DIAPH2: variants seen among roughly 807,000 people sequenced by gnomAD.
DIAPH2 encodes the protein diaphanous related formin 2.
A neutral mutation model predicts 92.7 loss-of-function variants in DIAPH2; 35 were observed. That is an observed-to-expected ratio of 0.38 (90% confidence interval 0.29 to 0.50). DIAPH2 has a LOEUF of 0.50. Among genes scored for constraint, DIAPH2 ranks in the 20% least tolerant of loss-of-function variants. The probability of loss-of-function intolerance (pLI) is 0.94; values close to 1 mark genes in which losing one functional copy is unlikely to be tolerated. For synonymous variants in DIAPH2, 301 were observed against 280.4 expected, an observed-to-expected ratio of 1.07 and a Z score of -0.73; for missense variants, 701 against 819.5, an observed-to-expected ratio of 0.86 and a Z score of 1.77.
chrX:97,044,663 C>T (rs903269197), intron 17 of DIAPH2, among the ~76,000 whole-genome samples: 2 of 110,990 alleles, frequency 1.8e-5, no homozygotes, highest in Admixed American at 9.6e-5. Flanking sequence ...TTTATTTTCT[C>T]CTTCTCAACT....
At chrX:97,063,673 G>T (rs1472915270) in intron 17 of DIAPH2, among the ~76,000 whole-genome samples, 2 of 111,966 alleles carry the variant, frequency 1.8e-5, no homozygotes, top group African/African-American at 6.5e-5. Flanking sequence ...AAAACAGAAT[G>T]TCAACAATTA....
intron 17 of DIAPH2, among the ~76,000 whole-genome samples, chrX:97,039,360 G>A (rs1306213462): frequency 9.0e-6 from 1 of 110,627 alleles, no homozygotes; most frequent in African/African-American, 3.3e-5. Flanking sequence ...GTTTTCATTT[G>A]CATTTTAATT....
At chrX:97,258,894 A>G (rs1329330833) in intron 23 of DIAPH2, among the ~76,000 whole-genome samples, 1 of 103,458 alleles carries the variant, frequency 9.7e-6, no homozygotes, top group Non-Finnish European at 2.0e-5. Context: ...AAAAAAAACA[A>G]CAACAACAAC....
At chrX:97,517,617 A>T (rs772407802) in intron 26 of DIAPH2, among the ~76,000 whole-genome samples, 2 of 112,647 alleles carry the variant, frequency 1.8e-5, no homozygotes, top group Non-Finnish European at 3.7e-5. Flanking sequence ...TATTACTAAT[A>T]AAAATTTAAG....
intron 4 of DIAPH2, among the ~76,000 whole-genome samples, chrX:96,847,875 G>A (rs773619144): frequency 9.0e-6 from 1 of 110,871 alleles, no homozygotes; most frequent in South Asian, 3.9e-4. Context: ...ATTGTACAAG[G>A]TAGTGAACTA....
intron 4 of DIAPH2, among the ~76,000 whole-genome samples, chrX:96,760,825 T>G (rs758723229): frequency 9.0e-6 from 1 of 111,485 alleles, no homozygotes; most frequent in Non-Finnish European, 1.9e-5. Context: ...TAGAGAATGT[T>G]AAATTGTGTG....
chrX:97,471,686 G>A (rs1359172119), intron 26 of DIAPH2, among the ~76,000 whole-genome samples: 6 of 34,138 alleles, frequency 1.8e-4, no homozygotes, highest in Admixed American at 5.5e-4. Context: ...GTGAAAATCC[G>A]TCTCAAAAAA....
At chrX:97,270,908 A>G (rs764127877) in intron 23 of DIAPH2, among the ~76,000 whole-genome samples, 1 of 110,573 alleles carries the variant, frequency 9.0e-6, no homozygotes, top group South Asian at 3.8e-4. Flanking sequence ...TTGAGCATTT[A>G]TTTATGGGGT....
At chrX:97,130,105 C>G (rs1288174129) in intron 21 of DIAPH2, among the ~76,000 whole-genome samples, 1 of 112,125 alleles carries the variant, frequency 8.9e-6, no homozygotes, top group Non-Finnish European at 1.9e-5. Context: ...AAACAGAAAG[C>G]AACAAGTGTT....
At chrX:97,263,624 TCA>T (rs2068307556) in intron 23 of DIAPH2, among the ~76,000 whole-genome samples, 1 of 109,191 alleles carries the variant, frequency 9.2e-6, no homozygotes, top group Non-Finnish European at 1.9e-5. Flanking sequence ...TCTTGCTCTG[TCA>T]GCCAGGCTGG....
At chrX:97,440,961 CT>C (rs2147786529) in intron 26 of DIAPH2, among the ~76,000 whole-genome samples, 1 of 111,557 alleles carries the variant, frequency 9.0e-6, no homozygotes, top group Non-Finnish European at 1.9e-5. Context: ...CAAAACTGCC[CT>C]TGTACCCCTT....
At chrX:97,232,649 C>T (rs1003830523) in intron 22 of DIAPH2, among the ~76,000 whole-genome samples, 16 of 111,130 alleles carry the variant, frequency 1.4e-4, no homozygotes, top group Non-Finnish European at 2.4e-4. Flanking sequence ...AGCCTTCTGC[C>T]GTCCACACCC....
intron 4 of DIAPH2, among the ~76,000 whole-genome samples, chrX:96,840,789 A>G (rs1404765703): frequency 9.7e-6 from 1 of 102,695 alleles, no homozygotes; most frequent in South Asian, 4.4e-4. Context: ...TTTTTTTTGT[A>G]TTTTTAGTAG....
chrX:97,526,192 G>A (rs923490572), intron 26 of DIAPH2, among the ~76,000 whole-genome samples: 1 of 110,859 alleles, frequency 9.0e-6, no homozygotes, highest in Non-Finnish European at 1.9e-5. Context: ...CCTCAAGCAG[G>A]AGTGTGTGGT....
intron 4 of DIAPH2, among the ~76,000 whole-genome samples, chrX:96,800,203 A>G (rs1432651555): frequency 8.9e-6 from 1 of 112,067 alleles, no homozygotes; most frequent in Non-Finnish European, 1.9e-5. Context: ...ATGTGAAAAT[A>G]TAATTGTCCA....
chrX:96,782,161 A>G (rs2064422323), intron 4 of DIAPH2, among the ~76,000 whole-genome samples: 1 of 112,186 alleles, frequency 8.9e-6, no homozygotes, highest in Non-Finnish European at 1.9e-5. Context: ...GTGCAATGGC[A>G]CAGTCTTGGT....
At chrX:96,997,673 G>A (rs2066113910) in intron 17 of DIAPH2, among the ~76,000 whole-genome samples, 1 of 111,320 alleles carries the variant, frequency 9.0e-6, no homozygotes, top group South Asian at 3.8e-4. Context: ...GAGATTTTGT[G>A]AGTTTCATAG....
intron 17 of DIAPH2, among the ~76,000 whole-genome samples, chrX:97,007,260 C>A (rs2066189669): frequency 8.9e-6 from 1 of 111,771 alleles, no homozygotes; most frequent in Admixed American, 9.5e-5. Flanking sequence ...TGTGTACTTA[C>A]TATTACCGGT....
chrX:97,075,000 G>A (rs1265624995), intron 18 of DIAPH2, among the ~76,000 whole-genome samples, 167 bp from the exon 19 acceptor site: 1 of 111,560 alleles, frequency 9.0e-6, no homozygotes, highest in Non-Finnish European at 1.9e-5. Context: ...TTGTCTAGAT[G>A]GATAGAGTGA....
Sources: gnomAD v4.1 joint callset for allele counts (sites outside exome capture counted in the v4.1 genomes callset) on GRCh38, gnomAD v4.1.1 for gene constraint, MANE v1.5 for transcripts, NCBI Gene and HGNC (gene_info 2026-07-23, HGNC 2026-07-21) for gene names.